The following PPARA variants were observed in gnomAD, a reference collection of about 807,000 sequenced individuals.
PPARA encodes peroxisome proliferator-activated receptor alpha.
PPARA carries 22 observed loss-of-function variants against 42.2 expected under a neutral mutation model. The ratio of observed to expected loss-of-function variants is 0.52; its 90% CI spans 0.37 to 0.74. PPARA has a LOEUF of 0.74. Ranked by LOEUF, PPARA falls within the 30% of genes least tolerant of loss-of-function variation. PPARA has a pLI of 0.00. For synonymous variants in PPARA, 242 were observed against 239.3 expected (o/e 1.01, Z -0.10); for missense variants, 465 against 608.2 (o/e 0.76, Z 2.48).
rs1931697816 is a variant in PPARA, at chr22:46,192,482, C to A, written c.-42-5860C>A. 6.6e-6 allele frequency among the ~76,000 whole-genome samples: 1 copy of A among 152,198 alleles called. No homozygotes were observed. The highest frequency in any genetic ancestry group is 2.1e-4 in the South Asian group (1 of 4,830). On this transcript the variant is annotated intron_variant, in intron 3 of 8. Coordinates refer to ENST00000407236, the MANE Select transcript of PPARA (RefSeq NM_005036.6). This position sits in a 1 kb window ranked among gnomAD's most constrained non-coding sequence, Gnocchi z 4.3. The stretch of plus-strand genomic sequence containing the variant: ...TGATATAATTTGATGTCTACTTCCT[C>A]TTGTATTTGTCTGTTTTTAAGTGTT...
At chr22:46,228,325 G>A (rs969811657) in intron 7 of PPARA, among the ~76,000 whole-genome samples, 1 of 152,114 alleles carries the variant, frequency 6.6e-6, no homozygotes, top group Non-Finnish European at 1.5e-5. Context: ...ACCTGAGGTC[G>A]GGAGTTTGAG....
At chr22:46,213,869 G>A (rs748878465) in intron 4 of PPARA, among the ~76,000 whole-genome samples, 2 of 152,186 alleles carry the variant, frequency 1.3e-5, no homozygotes, top group African/African-American at 2.4e-5. Context: ...GATTACAGGC[G>A]TGAGCCACCA....
Position 46,224,248 on chromosome 22 carries a change from G to A in PPARA, c.711+4234G>A, listed in dbSNP as rs1392128036. 6.6e-6 allele frequency among the ~76,000 whole-genome samples: 1 copy of A among 152,224 alleles called. No individual in the cohort carries two copies. Among genetic ancestry groups the A allele is most frequent in the Non-Finnish European group, 1.5e-5 (1 of 68,038 alleles). ...CCCCCTCCTCCCTGCCTAGCCTGCT[G>A]ACGGGCTTTCCAGAGCTGGCTCCTT... On this transcript the variant is annotated intron_variant, in intron 7 of 8. Transcript: ENST00000407236. The surrounding 1 kb of genome is among the most constrained non-coding windows in gnomAD (Gnocchi z 5.7).
At position 46,219,171 on chromosome 22, in the gene PPARA, GA is replaced by G. The variant is rs1274005512; in HGVS notation, c.509-632del. Among the ~76,000 whole-genome samples the G allele has an allele frequency of 6.7e-6, 1 of 150,260 alleles. No homozygotes were observed. Among genetic ancestry groups the G allele is most frequent in the African/African-American group, 2.4e-5 (1 of 40,846 alleles). On this transcript the variant is annotated intron_variant, in intron 6 of 8. Transcript: ENST00000407236. The surrounding 1 kb of genome is among the most constrained non-coding windows in gnomAD (Gnocchi z 4.8). ...AGTGCGACTCCGTCTCAAAAAAAAA[GA>G]AAAAAAAAGAAAAAGTCTCAAATAG...
Position 46,224,402 on chromosome 22 carries a change from C to T in PPARA, c.711+4388C>T, listed in dbSNP as rs2037485736. ...TGTGGCCAAGGTGGGTAGTGGAAGA[C>T]CATAGCCTGTGTCCCTTACACATCT... is the stretch of plus-strand genomic sequence containing the variant. On this transcript the variant is annotated intron_variant, in intron 7 of 8. Transcript: ENST00000407236. The surrounding 1 kb of genome is among the most constrained non-coding windows in gnomAD (Gnocchi z 5.7). 1.3e-5 allele frequency among the ~76,000 whole-genome samples: 2 copies of T among 152,222 alleles called. No homozygotes were observed. Among genetic ancestry groups the T allele is most frequent in the Admixed American group, 1.3e-4 (2 of 15,280 alleles).
In PPARA at chr22:46,219,784, T is replaced by C; in HGVS notation, c.509-28T>C. On this transcript the variant is annotated intron_variant, in intron 6 of 8. Coordinates refer to ENST00000407236, the MANE Select transcript of PPARA (RefSeq NM_005036.6). This position sits in a 1 kb window ranked among gnomAD's most constrained non-coding sequence, Gnocchi z 4.8. Reference sequence around the variant, plus strand: ...CGCGCAGTCATGACCTCACTGCTCATGCCTGTGTTTCCCCCTCCAAACCCT... The same window carrying C: ...CGCGCAGTCATGACCTCACTGCTCACGCCTGTGTTTCCCCCTCCAAACCCT... The C allele has an allele frequency of 6.2e-7, 1 of 1,612,592 alleles. No individual in the cohort carries two copies. The highest frequency in any genetic ancestry group is 8.5e-7 in the Non-Finnish European group (1 of 1,178,720).
chr22:46,178,193 G>A (rs1184455734), intron 3 of PPARA, among the ~76,000 whole-genome samples: 6 of 152,180 alleles, frequency 3.9e-5, no homozygotes, highest in Non-Finnish European at 8.8e-5. Context: ...AGGAAAACAT[G>A]AAATATTTCT....
In PPARA at chr22:46,212,170, C is replaced by T. The variant is rs1934000093; in HGVS notation, c.209-3003C>T. ...TCCCAGGGCTCAGGTGATCCTCCCA[C>T]CTCAGCCTCCCAAGTAGCTGGGATT... On this transcript the variant is annotated intron_variant, in intron 4 of 8. Transcript: ENST00000407236. The surrounding 1 kb of genome is among the most constrained non-coding windows in gnomAD (Gnocchi z 4.2). Among the ~76,000 whole-genome samples the T allele has an allele frequency of 6.6e-6, 1 of 152,160 alleles. No individual in the cohort carries two copies. Among genetic ancestry groups the T allele is most frequent in the South Asian group, 2.1e-4 (1 of 4,830 alleles).
At position 46,237,906 on chromosome 22, in the gene PPARA, CT is replaced by C. The variant is rs1936267270; in HGVS notation, c.*2527del. On this transcript the variant is annotated 3_prime_UTR_variant, in exon 9 of 9. Transcript: ENST00000407236. The surrounding 1 kb of genome is among the most constrained non-coding windows in gnomAD (Gnocchi z 6.7). ...CCCAGCGACCCTGCAGCTGCTCGCT[CT>C]GATGTACCCTGTGCCATTCAAGGAG... 4 of 152,298 alleles carry C rather than the reference CT, an allele frequency of 2.6e-5. No individual in the cohort carries two copies. 9.4% of individuals were successfully genotyped at this position (152,298 alleles called of 1,614,324 possible). A position where few individuals can be genotyped will look rare whatever the true frequency, so the allele number is the denominator to read the frequency against.
In PPARA at chr22:46,219,556, G is replaced by A. The variant is rs1340608859; in HGVS notation, c.509-256G>A. On this transcript the variant is annotated intron_variant, in intron 6 of 8. Coordinates refer to ENST00000407236, the MANE Select transcript of PPARA (RefSeq NM_005036.6). This position sits in a 1 kb window ranked among gnomAD's most constrained non-coding sequence, Gnocchi z 4.8. ...TGTGCACCCTACTAATGAGACGAAC[G>A]ATGGTGTCACCTTCAGCCTGCACCT... Among the ~76,000 whole-genome samples, 2 of 152,120 alleles carry A rather than the reference G, an allele frequency of 1.3e-5. No homozygotes were observed. Among genetic ancestry groups the A allele is most frequent in the Non-Finnish European group, 2.9e-5 (2 of 68,030 alleles).
chr22:46,152,668 C>T (rs1028370767), intron 2 of PPARA, among the ~76,000 whole-genome samples: 20 of 152,080 alleles, frequency 1.3e-4, no homozygotes, highest in African/African-American at 4.8e-4. Flanking sequence ...TAGACCCGTG[C>T]CAGAACATGC....
In PPARA at chr22:46,190,641, T is replaced by C. The variant is rs1931415009; in HGVS notation, c.-42-7701T>C. ...TGGCAGCGCCTGTAGTCCAAACCACTTGGGAGCCTGAGGTGAGAGGATCAC... is the reference window on the plus strand; with the variant it reads ...TGGCAGCGCCTGTAGTCCAAACCACCTGGGAGCCTGAGGTGAGAGGATCAC... On this transcript the variant is annotated intron_variant, in intron 3 of 8. Transcript: ENST00000407236. The surrounding 1 kb of genome is among the most constrained non-coding windows in gnomAD (Gnocchi z 5.6). Among the ~76,000 whole-genome samples the C allele has an allele frequency of 6.6e-6, 1 of 152,074 alleles. No homozygotes were observed. Among genetic ancestry groups the C allele is most frequent in the African/African-American group, 2.4e-5 (1 of 41,400 alleles).
chr22:46,214,273 T>C (rs543650319), intron 4 of PPARA, among the ~76,000 whole-genome samples: 27 of 151,906 alleles, frequency 1.8e-4, no homozygotes, highest in Non-Finnish European at 2.9e-4. Context: ...TCTGGAGATG[T>C]GTGCAGCGGA....
intron 2 of PPARA, among the ~76,000 whole-genome samples, chr22:46,153,330 C>T (rs1023869420): frequency 6.6e-5 from 10 of 151,890 alleles, no homozygotes; most frequent in African/African-American, 2.2e-4. Flanking sequence ...CCACCACACC[C>T]GGCTAATTTT....
At position 46,196,464 on chromosome 22, in the gene PPARA, T is replaced by C. The variant is rs1377060465; in HGVS notation, c.-42-1878T>C. On this transcript the variant is annotated intron_variant, in intron 3 of 8. Coordinates refer to ENST00000407236, the MANE Select transcript of PPARA (RefSeq NM_005036.6). This position sits in a 1 kb window ranked among gnomAD's most constrained non-coding sequence, Gnocchi z 5.6. Reference sequence around the variant, plus strand: ...GCCCCGCAGCCTGAGCCACACTGGCTGCCTGTTCCTGGAATGTGCCAACAT... The same window carrying C: ...GCCCCGCAGCCTGAGCCACACTGGCCGCCTGTTCCTGGAATGTGCCAACAT... 6.6e-6 allele frequency among the ~76,000 whole-genome samples: 1 copy of C among 152,246 alleles called. No individual in the cohort carries two copies. Among genetic ancestry groups the C allele is most frequent in the Non-Finnish European group, 1.5e-5 (1 of 68,040 alleles).
chr22:46,169,771 A>G (rs1927698683), intron 2 of PPARA, among the ~76,000 whole-genome samples: 1 of 152,082 alleles, frequency 6.6e-6, no homozygotes, highest in Non-Finnish European at 1.5e-5. Context: ...ATATAGCCCA[A>G]ATAAATAGAT....
At chr22:46,213,221 T>C (rs1362106506) in intron 4 of PPARA, among the ~76,000 whole-genome samples, 1 of 152,140 alleles carries the variant, frequency 6.6e-6, no homozygotes, top group East Asian at 1.9e-4. Flanking sequence ...GATTTGATGA[T>C]GTCAGTTTTG....
intron 2 of PPARA, among the ~76,000 whole-genome samples, chr22:46,154,140 A>G (rs1219079464): frequency 6.6e-6 from 1 of 152,226 alleles, no homozygotes; most frequent in Non-Finnish European, 1.5e-5. Flanking sequence ...GCAGTGCTGA[A>G]CAAGACAAGC....
At position 46,232,741 on chromosome 22, in the gene PPARA, T is replaced by C. The variant is rs2147703996; in HGVS notation, c.1159+502T>C. ...CTGTAATCCCAGCCCTTTGGGAGGC[T>C]GAGGTGGGTGGATCACTTGAGCCCA... On this transcript the variant is annotated intron_variant, in intron 8 of 8. Coordinates refer to ENST00000407236, the MANE Select transcript of PPARA (RefSeq NM_005036.6). The surrounding 1 kb of genome is among the most constrained non-coding windows in gnomAD (Gnocchi z 5.3). 6.6e-6 allele frequency among the ~76,000 whole-genome samples: 1 copy of C among 151,220 alleles called. No homozygotes were observed. Among genetic ancestry groups the C allele is most frequent in the Non-Finnish European group, 1.5e-5 (1 of 67,838 alleles).
Sources: allele counts gnomAD v4.1 joint callset (sites outside exome capture counted in the v4.1 genomes callset), GRCh38; gene constraint gnomAD v4.1.1; non-coding constraint Gnocchi (gnomAD v3.1); transcripts MANE v1.5; gene names NCBI Gene and HGNC (gene_info 2026-07-23, HGNC 2026-07-21).